USP49: variants seen among roughly 807,000 people sequenced by gnomAD.
The protein encoded by USP49 is ubiquitin specific peptidase 49, also known as ubiquitin carboxyl-terminal hydrolase 49.
A neutral mutation model predicts 58.6 loss-of-function variants in USP49; 24 were observed. The observed-to-expected ratio is 0.41, with a 90% CI of 0.30 to 0.58. The LOEUF is 0.58. USP49 is among the 20% of genes least tolerant of loss of function. The pLI, the probability that USP49 is intolerant of heterozygous loss-of-function variation, is 0.30. For synonymous variants in USP49, 408 were observed against 365.1 expected (o/e 1.12, Z -1.34); for missense variants, 703 against 866.1 (o/e 0.81, Z 2.36).
Position 41,879,927 on chromosome 6 carries a change from G to GT in USP49, c.-102-8291dup, listed in dbSNP as rs140163714. The stretch of plus-strand genomic sequence containing the variant: ...GACACTTGGGCAAATCCAGCTTTCA[G>GT]TTTTTTCGTGGCTCACTCCTGAATA... On this transcript the variant is annotated intron_variant, in intron 2 of 7. Coordinates refer to ENST00000682992, the MANE Select transcript of USP49 (RefSeq NM_001286554.2). Among the ~76,000 whole-genome samples, 860 of 152,286 alleles carry GT rather than the reference G, an allele frequency of 5.6e-3. 3 individuals are homozygous for GT. Among genetic ancestry groups the GT allele is most frequent in the Non-Finnish European group, 7.8e-3 (534 of 68,028 alleles).
chr6:41,800,437 C>A (rs1772977562), intron 5 of USP49, among the ~76,000 whole-genome samples: 1 of 152,194 alleles, frequency 6.6e-6, no homozygotes, highest in South Asian at 2.1e-4. Context: ...TCGACTGTTA[C>A]AAGCAACTCA....
intron 3 of USP49, among the ~76,000 whole-genome samples, chr6:41,867,983 T>C (rs1774350197): frequency 6.6e-6 from 1 of 152,214 alleles, no homozygotes. Flanking sequence ...CAAAATCAAA[T>C]AGTTACAGTG....
chr6:41,880,506 C>T (rs11756859), intron 2 of USP49, among the ~76,000 whole-genome samples: 15,699 of 152,126 alleles, frequency 0.1, 923 homozygotes, highest in Middle Eastern at 0.21. Flanking sequence ...AATTTCAGAA[C>T]ATTTCCAGGG....
intron 3 of USP49, among the ~76,000 whole-genome samples, chr6:41,818,066 C>CTA (rs1773388307): frequency 6.6e-6 from 1 of 152,028 alleles, no homozygotes; most frequent in Non-Finnish European, 1.5e-5. Flanking sequence ...CTATACTGAG[C>CTA]TATATATATA....
intron 3 of USP49, among the ~76,000 whole-genome samples, chr6:41,860,427 GACT>G (rs1296443468): frequency 6.6e-6 from 1 of 152,116 alleles, no homozygotes; most frequent in Admixed American, 6.6e-5. Flanking sequence ...TTTGAACACT[GACT>G]ACTATTCGAT....
chr6:41,888,048 C>CTTTTTTTTTTTT lies in USP49; in HGVS notation c.-103+3734_-103+3745dup, dbSNP rs35468035. Reference sequence around the variant, plus strand: ...GAGTGTTTTTAATTATCACAATCAGCTTTTTTTTTTTTTTTTTTTTTTTTG... The same window carrying CTTTTTTTTTTTT: ...GAGTGTTTTTAATTATCACAATCAGCTTTTTTTTTTTTTTTTTTTTTTTTTTTTTTTTTTTTG... On this transcript the variant is annotated intron_variant, in intron 2 of 7. Coordinates refer to ENST00000682992, the MANE Select transcript of USP49 (RefSeq NM_001286554.2). 2.7e-4 allele frequency among the ~76,000 whole-genome samples: 23 copies of CTTTTTTTTTTTT among 85,478 alleles called. 2 individuals carry two copies. Among genetic ancestry groups the CTTTTTTTTTTTT allele is most frequent in the Non-Finnish European group, 3.9e-4 (18 of 45,582 alleles). The allele number at this position is 85,478 out of a possible 152,430, so 56.1% of individuals were successfully genotyped here.
chr6:41,850,451 GAAAA>G (rs1254330716), intron 3 of USP49, among the ~76,000 whole-genome samples: 2 of 128,226 alleles, frequency 1.6e-5, no homozygotes. Context: ...TCTAAGGAAA[GAAAA>G]AAAAAAAAAA....
At chr6:41,890,643 G>A (rs1037389970) in intron 2 of USP49, among the ~76,000 whole-genome samples, 4 of 152,060 alleles carry the variant, frequency 2.6e-5, no homozygotes, top group Middle Eastern at 3.2e-3. Context: ...CACTGCATTC[G>A]CCTGGGCAAA....
chr6:41,844,304 T>C (rs1389670113), intron 3 of USP49, among the ~76,000 whole-genome samples: 5 of 152,140 alleles, frequency 3.3e-5, no homozygotes, highest in African/African-American at 7.2e-5. Flanking sequence ...ACTGCGTATG[T>C]TGCAGTTTCT....
intron 2 of USP49, among the ~76,000 whole-genome samples, chr6:41,875,050 A>G (rs931303349): frequency 1.3e-5 from 2 of 152,212 alleles, no homozygotes; most frequent in Non-Finnish European, 2.9e-5. Context: ...GTGATGTCAC[A>G]GCAGCAATGC....
chr6:41,845,790 C>A (rs1005279268), intron 3 of USP49, among the ~76,000 whole-genome samples: 2 of 151,472 alleles, frequency 1.3e-5, no homozygotes, highest in African/African-American at 4.9e-5. Flanking sequence ...GGATTTTTAT[C>A]TTTCAAGATT....
chr6:41,794,955 A>C lies in USP49; in HGVS notation c.*1578T>G, dbSNP rs574163010. On this transcript the variant is annotated 3_prime_UTR_variant, in exon 8 of 8. Coordinates refer to ENST00000682992, the MANE Select transcript of USP49 (RefSeq NM_001286554.2). The stretch of plus-strand genomic sequence containing the variant: ...GTTCATCTCAAAAGAGGTCAACAGC[A>C]AATGCTACAGATCTGTGTGGGAAAT... 6.6e-6 allele frequency: 1 copy of C among 152,332 alleles called. No homozygotes were observed. Among genetic ancestry groups the C allele is most frequent in the East Asian group, 1.9e-4 (1 of 5,190 alleles). The allele number at this position is 152,332 out of a possible 1,614,324, so 9.4% of individuals were successfully genotyped here.
At position 41,817,150 on chromosome 6, in the gene USP49, C is replaced by CT. The variant is rs34281670; in HGVS notation, c.-28-10140dup. ...CCACCACGCCTGGCTCCCACGCATGCTTTTTTTTTTTTTTTTTGAGACAGA... is the reference window on the plus strand; with the variant it reads ...CCACCACGCCTGGCTCCCACGCATGCTTTTTTTTTTTTTTTTTTGAGACAGA... On this transcript the variant is annotated intron_variant, in intron 3 of 7. Coordinates refer to ENST00000682992, the MANE Select transcript of USP49 (RefSeq NM_001286554.2). Among the ~76,000 whole-genome samples the CT allele has an allele frequency of 9.0e-3, 936 of 104,314 alleles. 64 individuals are homozygous for CT. Among genetic ancestry groups the CT allele is most frequent in the African/African-American group, 0.031 (707 of 22,544 alleles). 68.4% of individuals were successfully genotyped at this position (104,314 alleles called of 152,430 possible).
intron 3 of USP49, among the ~76,000 whole-genome samples, chr6:41,860,927 C>G (rs936499490): frequency 6.6e-6 from 1 of 151,434 alleles, no homozygotes; most frequent in Admixed American, 6.6e-5. Flanking sequence ...CTCAGGAGTT[C>G]GAGACCAGCC....
At chr6:41,802,494 G>C (rs1243236898) in intron 5 of USP49, among the ~76,000 whole-genome samples, 1 of 75,746 alleles carries the variant, frequency 1.3e-5, no homozygotes, top group Non-Finnish European at 2.4e-5. Flanking sequence ...TTTTTTTTGA[G>C]ACAGCATCTC....
chr6:41,885,733 C>T (rs930961628), intron 2 of USP49, among the ~76,000 whole-genome samples: 4 of 152,078 alleles, frequency 2.6e-5, no homozygotes, highest in Non-Finnish European at 4.4e-5. Flanking sequence ...GAGGTGGATG[C>T]TGCAGTGAGC....
chr6:41,890,130 C>T (rs34992963), intron 2 of USP49, among the ~76,000 whole-genome samples: 23,966 of 151,948 alleles, frequency 0.16, 2,005 homozygotes, highest in East Asian at 0.26. Context: ...CGGTGGCTCA[C>T]GCCTGTAATC....
chr6:41,809,621 T>C (rs1042990523), intron 3 of USP49, among the ~76,000 whole-genome samples: 4 of 150,696 alleles, frequency 2.7e-5, no homozygotes, highest in Non-Finnish European at 5.9e-5. Flanking sequence ...GGTCAGGAGA[T>C]CGAGACCATC....
intron 3 of USP49, among the ~76,000 whole-genome samples, chr6:41,812,425 T>TG (rs113535222): frequency 1 from 150,164 of 150,164 alleles, 75,082 homozygotes; most frequent in Non-Finnish European, 1. Context: ...CCGGGCGCAG[T>TG]GCTCACGCCT....
Sources: allele counts gnomAD v4.1 joint callset (sites outside exome capture counted in the v4.1 genomes callset), GRCh38; gene constraint gnomAD v4.1.1; transcripts MANE v1.5; gene names NCBI Gene and HGNC (gene_info 2026-07-23, HGNC 2026-07-21).